The following SEPTIN2 variants were observed in gnomAD, a reference collection of about 807,000 sequenced individuals.
SEPTIN2 encodes septin-2.
A neutral mutation model predicts 46.5 loss-of-function variants in SEPTIN2; 34 were observed. The observed-to-expected ratio is 0.73, with a 90% CI of 0.56 to 0.97. The LOEUF is 0.97. Among genes scored for constraint, SEPTIN2 ranks in the 50% least tolerant of loss-of-function variants. The pLI is 0.00. For synonymous variants in SEPTIN2, 175 were observed against 153.4 expected (o/e 1.14, Z -1.04); for missense variants, 347 against 448.4 (o/e 0.77, Z 2.04).
intron 11 of SEPTIN2, 150 bp from the exon 12 acceptor site, chr2:241,349,923 T>G: frequency 1.5e-6 from 1 of 672,380 alleles, no homozygotes; most frequent in Non-Finnish European, 2.6e-6. Flanking sequence ...GTTGCTTTTT[T>G]TATTGATTGG....
chr2:241,330,623 C>G (rs1175277871), intron 3 of SEPTIN2, among the ~76,000 whole-genome samples: 4 of 152,190 alleles, frequency 2.6e-5, no homozygotes, highest in Non-Finnish European at 5.9e-5. Flanking sequence ...CTTCTGTATT[C>G]TCCTAGTTTC....
At chr2:241,334,764 A>G (rs2079634275) in intron 3 of SEPTIN2, among the ~76,000 whole-genome samples, 1 of 152,228 alleles carries the variant, frequency 6.6e-6, no homozygotes, top group South Asian at 2.1e-4. Context: ...GACTAGCAGA[A>G]CTGATAATTG....
chr2:241,327,476 T>C (rs1369582171), intron 3 of SEPTIN2, among the ~76,000 whole-genome samples: 1 of 146,232 alleles, frequency 6.8e-6, no homozygotes. Context: ...CAGTCTAATA[T>C]ATGGATTATA....
intron 1 of SEPTIN2, among the ~76,000 whole-genome samples, chr2:241,322,626 G>GA (rs979654085): frequency 1.3e-5 from 2 of 150,488 alleles, no homozygotes; most frequent in Admixed American, 6.6e-5. Flanking sequence ...AAAGAAAAGA[G>GA]AAAAAAAAAT....
chr2:241,342,770 T>C (rs1184695340), intron 7 of SEPTIN2, among the ~76,000 whole-genome samples: 1 of 152,074 alleles, frequency 6.6e-6, no homozygotes, highest in Non-Finnish European at 1.5e-5. Flanking sequence ...TCTCCTGACC[T>C]TGTGATCCAC....
At chr2:241,324,472 C>T in intron 2 of SEPTIN2, 1 of 502,518 alleles carries the variant, frequency 2.0e-6, no homozygotes, top group Non-Finnish European at 3.7e-6. Flanking sequence ...ACTGCAACTT[C>T]TGCCTCCCAC....
chr2:241,322,167 T>C (rs541665774), intron 1 of SEPTIN2, among the ~76,000 whole-genome samples: 1 of 152,194 alleles, frequency 6.6e-6, no homozygotes, highest in African/African-American at 2.4e-5. Context: ...AGAGGCAAAG[T>C]GAGAGAAGCT....
At chr2:241,338,717 TA>T (rs1215338293) in intron 7 of SEPTIN2, among the ~76,000 whole-genome samples, 4 of 73,266 alleles carry the variant, frequency 5.5e-5, no homozygotes, top group Admixed American at 2.3e-4. Context: ...ATTATTTATA[TA>T]ATATATTATA....
chr2:241,344,398 C>A (rs1318563053), intron 9 of SEPTIN2, among the ~76,000 whole-genome samples: 1 of 152,152 alleles, frequency 6.6e-6, no homozygotes, highest in African/African-American at 2.4e-5. Flanking sequence ...AAATAGTCTT[C>A]TTTAAAAATG....
At position 241,337,291 on chromosome 2, in the gene SEPTIN2, T is replaced by C. The variant is rs1042860924; in HGVS notation, c.342-91T>C. 31 of 1,088,866 alleles carry C rather than the reference T, an allele frequency of 2.8e-5. No individual in the cohort carries two copies. The African/African-American group carries it at 4.8e-4, about 17-fold the overall frequency. The allele number at this position is 1,088,866 out of a possible 1,614,324, so 67.5% of individuals were successfully genotyped here. On this transcript the variant is annotated intron_variant, in intron 5 of 12. Coordinates refer to ENST00000391971, the MANE Select transcript of SEPTIN2 (RefSeq NM_004404.5). ...TGAAAATGAATTATTAAATTATGTA[T>C]ATTTGGGCGGAGGCACTTGTTTTCC... is the stretch of plus-strand genomic sequence containing the variant.
intron 1 of SEPTIN2, among the ~76,000 whole-genome samples, chr2:241,318,764 G>A (rs1448596401): frequency 1.3e-5 from 2 of 149,080 alleles, no homozygotes; most frequent in Non-Finnish European, 3.0e-5. Context: ...GCAGTGGTGC[G>A]ATCTCAGCTC....
At chr2:241,341,986 C>T (rs2081310158) in intron 7 of SEPTIN2, among the ~76,000 whole-genome samples, 1 of 152,170 alleles carries the variant, frequency 6.6e-6, no homozygotes, top group Admixed American at 6.5e-5. Flanking sequence ...TTTCTCCCCT[C>T]AAGCCCCATC....
chr2:241,316,655 C>T (rs1208201671), intron 1 of SEPTIN2: 3 of 827,800 alleles, frequency 3.6e-6, no homozygotes, highest in Non-Finnish European at 5.2e-6. Context: ...TCAGTGGAGT[C>T]CCAACTGTGA....
chr2:241,329,130 TTTTGAGATGG>T (rs2078539071), intron 3 of SEPTIN2, among the ~76,000 whole-genome samples: 1 of 152,044 alleles, frequency 6.6e-6, no homozygotes, highest in South Asian at 2.1e-4. Flanking sequence ...TGTGTTTTGT[TTTTGAGATGG>T]TTTGAGATGG....
At chr2:241,331,970 G>C (rs1213887283) in intron 3 of SEPTIN2, among the ~76,000 whole-genome samples, 1 of 152,168 alleles carries the variant, frequency 6.6e-6, no homozygotes, top group African/African-American at 2.4e-5. Context: ...TTGATTCAGT[G>C]GGGGCAAGTT....
Position 241,348,208 on chromosome 2 carries a change from TATTG to T in SEPTIN2, c.984+18_984+21del. 1 of 1,608,384 alleles carries T rather than the reference TATTG, an allele frequency of 6.2e-7. No individual in the cohort carries two copies. The highest frequency in any genetic ancestry group is 8.5e-7 in the Non-Finnish European group (1 of 1,176,236). On this transcript the variant is annotated intron_variant, in intron 11 of 12. Coordinates refer to ENST00000391971, the MANE Select transcript of SEPTIN2 (RefSeq NM_004404.5). ...GAAGCTGAGGTAAGTAGGAAAGTAC[TATTG>T]GTTGGTTGGTTGGTTGGTTGTTTTG...
At chr2:241,325,106 G>A (rs2077732176) in intron 2 of SEPTIN2, 1 of 151,818 alleles carries the variant, frequency 6.6e-6, no homozygotes, top group Admixed American at 6.6e-5. Context: ...CACCACTCAG[G>A]AATAACCACT....
At chr2:241,336,341 A>G in intron 5 of SEPTIN2, 2 of 462,082 alleles carry the variant, frequency 4.3e-6, no homozygotes, top group Non-Finnish European at 7.7e-6. Flanking sequence ...GCTAGTATAA[A>G]TGAAACACCT....
intron 9 of SEPTIN2, among the ~76,000 whole-genome samples, chr2:241,345,323 A>C (rs910436463): frequency 4.6e-5 from 7 of 152,258 alleles, no homozygotes; most frequent in Non-Finnish European, 1.0e-4. Flanking sequence ...GTCAAACACA[A>C]TTTAATGGTT....
Sources: allele counts gnomAD v4.1 joint callset (sites outside exome capture counted in the v4.1 genomes callset), GRCh38; gene constraint gnomAD v4.1.1; transcripts MANE v1.5; gene names NCBI Gene and HGNC (gene_info 2026-07-23, HGNC 2026-07-21).